HMCN2: variants seen among roughly 807,000 people sequenced by gnomAD.
HMCN2 encodes hemicentin-2.
HMCN2 carries 325 observed loss-of-function variants against 377.5 expected under a neutral mutation model. The ratio of observed to expected loss-of-function variants is 0.86; its 90% CI spans 0.79 to 0.94. HMCN2 has a LOEUF of 0.94. HMCN2 is among the 40% of genes least tolerant of loss of function. The probability of loss-of-function intolerance (pLI) is 0.00; values close to 1 mark genes in which losing one functional copy is unlikely to be tolerated. For synonymous variants in HMCN2, 2,007 were observed against 2,046.8 expected (o/e 0.98, Z 0.53); for missense variants, 4,543 against 4,725.3 (o/e 0.96, Z 1.13).
chr9:130,407,370 G>A, intron 82 of HMCN2: 1 of 349,688 alleles, frequency 2.9e-6, no homozygotes, highest in South Asian at 2.2e-5. Context: ...AGTGTGCACT[G>A]GAAGATGGTA....
chr9:130,400,696 C>G, intron 76 of HMCN2, 87 bp from the exon 77 acceptor site: 1 of 1,020,920 alleles, frequency 9.8e-7, no homozygotes. Context: ...CTGATGTCAC[C>G]TTGTGTACTA....
At chr9:130,403,402 C>T (rs772368672) in intron 79 of HMCN2, 74 bp downstream of exon 79, 29 of 1,267,548 alleles carry the variant, frequency 2.3e-5, no homozygotes, top group Admixed American at 1.2e-4. Flanking sequence ...AGTCCTGCTT[C>T]CTGCCCTGGG....
chr9:130,302,981 G>A lies in HMCN2; in HGVS notation c.1401G>A (p.Leu467=), dbSNP rs1274079309. ...AGCTGCGGCGAGGTGAAGCCAGGCT[G>A]GGCGAAGAGAGGCACTTTCAGTGAG... The part of the protein sequence containing the change: ...RLQLRRGEAR[L]GEERHFQESG... Residue 467 remains leucine, a synonymous_variant, in exon 9 of 98, where the codon CTG becomes CTA. Transcript: ENST00000683500. 6 of 470,212 alleles carry A rather than the reference G, an allele frequency of 1.3e-5. No homozygotes were observed. Among genetic ancestry groups the A allele is most frequent in the African/African-American group, 1.2e-4 (6 of 50,060 alleles). The allele number at this position is 470,212 out of a possible 1,614,324, so 29.1% of individuals were successfully genotyped here. A position where few individuals can be genotyped will look rare whatever the true frequency, so the allele number is the denominator to read the frequency against.
chr9:130,419,057 G>T lies in HMCN2; in HGVS notation c.13231+16G>T, dbSNP rs964740562. On this transcript the variant is annotated intron_variant, in intron 86 of 97. Coordinates refer to ENST00000683500, the MANE Select transcript of HMCN2 (RefSeq NM_001291815.2). ...GTCGTGAGAGGTATGGGGCATCCCTGTCTGGACCTTCGTGGACAGAGGCAG... is the reference window on the plus strand; with the variant it reads ...GTCGTGAGAGGTATGGGGCATCCCTTTCTGGACCTTCGTGGACAGAGGCAG... 13 of 1,481,588 alleles carry T rather than the reference G, an allele frequency of 8.8e-6. No homozygotes were observed. Among genetic ancestry groups the T allele is most frequent in the African/African-American group, 1.4e-5 (1 of 71,304 alleles). 91.8% of individuals were successfully genotyped at this position (1,481,588 alleles called of 1,614,324 possible). A position where few individuals can be genotyped will look rare whatever the true frequency, so the allele number is the denominator to read the frequency against.
intron 1 of HMCN2, among the ~76,000 whole-genome samples, chr9:130,273,619 T>C (rs1411001712): frequency 1.3e-5 from 2 of 152,152 alleles, no homozygotes; most frequent in Admixed American, 1.3e-4. Context: ...CACCTCAGCC[T>C]CCTGAGTAGC....
intron 15 of HMCN2, among the ~76,000 whole-genome samples, chr9:130,311,502 T>G (rs1195264157): frequency 6.6e-6 from 1 of 152,136 alleles, no homozygotes; most frequent in Admixed American, 6.5e-5. Context: ...AACCTTTGTG[T>G]TGCTCATGAG....
intron 40 of HMCN2, among the ~76,000 whole-genome samples, chr9:130,363,929 AGAAG>A (rs994069159): frequency 6.9e-6 from 1 of 144,504 alleles, no homozygotes; most frequent in African/African-American, 2.5e-5. Flanking sequence ...AAGGAAAAAG[AGAAG>A]GAAGGAAGGA....
In HMCN2 at chr9:130,406,213, G is replaced by A. The variant is rs572702254; in HGVS notation, c.12553+45G>A. The A allele has an allele frequency of 1.8e-5, 23 of 1,281,956 alleles. No individual in the cohort carries two copies. The African/African-American group carries it at 2.0e-4, about 11-fold the overall frequency. The allele number at this position is 1,281,956 out of a possible 1,614,324, so 79.4% of individuals were successfully genotyped here. On this transcript the variant is annotated intron_variant, in intron 82 of 97. Transcript: ENST00000683500. ...GGGTGGGACAGAGAGCCAGGACACC[G>A]GGAGGTTAAGAAGGGAGGGCAGGTG...
Position 130,402,878 on chromosome 9 carries a change from G to A in HMCN2, c.11860G>A (p.Val3954Ile), listed in dbSNP as rs974174878. The A allele has an allele frequency of 4.0e-5, 51 of 1,289,600 alleles. No individual in the cohort carries two copies. The highest frequency in any genetic ancestry group is 1.6e-4 in the Admixed American group (7 of 43,552). 79.9% of individuals were successfully genotyped at this position (1,289,600 alleles called of 1,614,324 possible). Residue 3954 changes from valine to isoleucine, a missense_variant, in exon 78 of 98, where the codon GTC becomes ATC. Val to Ile is a conservative substitution (Grantham distance 29, BLOSUM62 3). Coordinates refer to ENST00000683500, the MANE Select transcript of HMCN2 (RefSeq NM_001291815.2). ...CTCTGCCGGCGTAGCCCACAAGCAC[G>A]TCTTCCTCACTGTGCAAGGTAAGGG... ...RNSAGVAHKH[V>I]FLTVQASPVV...
At position 130,405,985 on chromosome 9, in the gene HMCN2, G is replaced by A. The variant is rs1020669852; in HGVS notation, c.12370G>A (p.Ala4124Thr). ...GQDAGTYTCT[A>T]ENAVGRARRR... ...GGACGCAGGCACCTATACCTGTACC[G>A]CTGAGAACGCCGTGGGCCGGGCCCG... The change falls in exon 82 of 98, where the codon GCT (alanine) becomes ACT (threonine). Residue 4124 changes from alanine (A) to threonine (T), a missense_variant. Physicochemically the swap from Ala to Thr is moderately conservative, Grantham distance 58. Transcript: ENST00000683500. 17 of 1,289,386 alleles carry A rather than the reference G, an allele frequency of 1.3e-5. No individual in the cohort carries two copies. The highest frequency in any genetic ancestry group is 4.9e-5 in the South Asian group (4 of 80,968). The allele number at this position is 1,289,386 out of a possible 1,614,324, so 79.9% of individuals were successfully genotyped here. A position where few individuals can be genotyped will look rare whatever the true frequency, so the allele number is the denominator to read the frequency against.
chr9:130,296,086 G>T (rs1057119721), intron 6 of HMCN2, among the ~76,000 whole-genome samples: 1 of 152,198 alleles, frequency 6.6e-6, no homozygotes, highest in African/African-American at 2.4e-5. Context: ...AGCAACTTTG[G>T]TGGGAGGGCT....
intron 13 of HMCN2, 64 bp from the exon 14 acceptor site, chr9:130,307,389 G>A (rs567003631): frequency 1.3e-4 from 63 of 467,132 alleles, no homozygotes; most frequent in African/African-American, 1.1e-3. Context: ...CCCTGAAGCC[G>A]TGGAAGACTT....
chr9:130,354,921 C>T lies in HMCN2; in HGVS notation c.5023C>T (p.Leu1675=). 1 of 1,304,010 alleles carries T rather than the reference C, an allele frequency of 7.7e-7. No individual in the cohort carries two copies. The highest frequency in any genetic ancestry group is 1.0e-6 in the Non-Finnish European group (1 of 988,932). 80.8% of individuals were successfully genotyped at this position (1,304,010 alleles called of 1,614,324 possible). ...LPVAESNESR[L]ETDGSVLRLE... is the part of the protein sequence containing the mutation. Reference sequence around the variant, plus strand: ...CGTGGCAGAGAGCAACGAGTCGCGGCTGGAGACAGACGGGAGTGTGCTGAG... The same window carrying T: ...CGTGGCAGAGAGCAACGAGTCGCGGTTGGAGACAGACGGGAGTGTGCTGAG... Residue 1675 remains leucine, a synonymous_variant, in exon 32 of 98, where the codon CTG becomes TTG. Transcript: ENST00000683500.
rs1256449287 is a variant in HMCN2, at chr9:130,422,431, C to T, written c.13232-146C>T. The stretch of plus-strand genomic sequence containing the variant: ...ATCCCCTGGGCGTTGAGTCCATGAC[C>T]CCTTAGCTGTGTGTCCTTGGACAAG... On this transcript the variant is annotated intron_variant, in intron 86 of 97. Coordinates refer to ENST00000683500, the MANE Select transcript of HMCN2 (RefSeq NM_001291815.2). The surrounding 1 kb of genome is among the most constrained non-coding windows in gnomAD (Gnocchi z 4.2). The T allele has an allele frequency of 1.3e-5, 7 of 519,300 alleles. No homozygotes were observed. The highest frequency in any genetic ancestry group is 2.1e-5 in the Non-Finnish European group (7 of 334,958). 32.2% of individuals were successfully genotyped at this position (519,300 alleles called of 1,614,324 possible).
At chr9:130,358,743 G>A (rs1171035576) in intron 36 of HMCN2, among the ~76,000 whole-genome samples, 1 of 151,578 alleles carries the variant, frequency 6.6e-6, no homozygotes, top group Non-Finnish European at 1.5e-5. Context: ...GCACTATCTC[G>A]GCTCACCGCA....
chr9:130,382,462 T>G (rs1234844718), intron 55 of HMCN2, among the ~76,000 whole-genome samples, 165 bp downstream of exon 55: 1 of 152,154 alleles, frequency 6.6e-6, no homozygotes, highest in Non-Finnish European at 1.5e-5. Flanking sequence ...GGGCGCAGGT[T>G]CCAAGTCAGA....
chr9:130,332,864 G>A (rs1330343630), intron 22 of HMCN2, among the ~76,000 whole-genome samples: 1 of 152,230 alleles, frequency 6.6e-6, no homozygotes. Context: ...AGAACCAGCC[G>A]TGCAGCAGGC....
chr9:130,351,534 C>T lies in HMCN2; in HGVS notation c.4542C>T (p.Ser1514=). Residue 1514 remains serine (S), a synonymous_variant, in exon 30 of 98, where the codon AGC becomes AGT. Coordinates refer to ENST00000683500, the MANE Select transcript of HMCN2 (RefSeq NM_001291815.2). The surrounding 1 kb of genome is among the most constrained non-coding windows in gnomAD (Gnocchi z 5.4). The part of the protein sequence containing the change: ...DEGRYQCVAF[S]PAGQQARDFQ... ...GACGATACCAGTGCGTGGCCTTCAG[C>T]CCAGCTGGTCAGCAGGCCAGGGACT... 7.7e-7 allele frequency: 1 copy of T among 1,304,220 alleles called. No homozygotes were observed. Among genetic ancestry groups the T allele is most frequent in the South Asian group, 1.2e-5 (1 of 81,012 alleles). The allele number at this position is 1,304,220 out of a possible 1,614,324, so 80.8% of individuals were successfully genotyped here.
chr9:130,387,084 C>T (rs1842061861), intron 61 of HMCN2, among the ~76,000 whole-genome samples: 1 of 152,226 alleles, frequency 6.6e-6, no homozygotes, highest in South Asian at 2.1e-4. Flanking sequence ...CACAGGAGGC[C>T]ACGTTACCTG....
Sources: allele counts gnomAD v4.1 joint callset (sites outside exome capture counted in the v4.1 genomes callset), GRCh38; gene constraint gnomAD v4.1.1; non-coding constraint Gnocchi (gnomAD v3.1); transcripts MANE v1.5; gene names NCBI Gene and HGNC (gene_info 2026-07-23, HGNC 2026-07-21).